GIGYF2: variants seen among roughly 807,000 people sequenced by gnomAD.
The protein encoded by GIGYF2 is GRB10-interacting GYF protein 2.
In GIGYF2, 25 loss-of-function variants were observed where a neutral mutation model predicts 208.1. That is an observed-to-expected ratio of 0.12 (90% CI 0.09 to 0.17). The LOEUF (loss-of-function observed/expected upper bound fraction) is 0.17, where lower values mean the gene tolerates loss of function less well. Among genes scored for constraint, GIGYF2 ranks in the 10% least tolerant of loss-of-function variants. The pLI is 1.00. For synonymous variants in GIGYF2, 534 were observed against 543.8 expected, an observed-to-expected ratio of 0.98 and a Z score of 0.25; for missense variants, 1,302 against 1,579.4, an observed-to-expected ratio of 0.82 and a Z score of 2.98.
intron 3 of GIGYF2, among the ~76,000 whole-genome samples, chr2:232,745,385 G>C (rs1698113463): frequency 6.6e-6 from 1 of 152,118 alleles, no homozygotes; most frequent in Non-Finnish European, 1.5e-5. Flanking sequence ...AAAAGAAGCT[G>C]TTGAAGACTG....
chr2:232,752,433 T>A (rs1393051484), intron 5 of GIGYF2, among the ~76,000 whole-genome samples: 3 of 152,218 alleles, frequency 2.0e-5, no homozygotes, highest in Non-Finnish European at 2.9e-5. Flanking sequence ...TCTCCCTCCA[T>A]GTATCTGTGT....
intron 25 of GIGYF2, 94 bp downstream of exon 25, chr2:232,844,668 A>T: frequency 1.2e-6 from 1 of 830,478 alleles, no homozygotes; most frequent in Non-Finnish European, 2.0e-6. Flanking sequence ...AAAGGTAGTT[A>T]TTGAGTTTTT....
At position 232,832,911 on chromosome 2, in the gene GIGYF2, G is replaced by C. The variant is rs1291635678; in HGVS notation, c.2584G>C (p.Glu862Gln). ...AGAAGAAGAAGCCCAGCGTCGATTA[G>C]AGGAGAACCGGCTGCGGATGGAAGA... is the stretch of plus-strand genomic sequence containing the variant. ...REEEEAQRRL[E>Q]ENRLRMEEEA... The change falls in exon 22 of 29, where the codon GAG (glutamate) becomes CAG (glutamine). Residue 862 changes from glutamate to glutamine, a missense_variant. By Grantham distance (29) the Glu-to-Gln change is conservative (BLOSUM62 2). This residue lies in a region of GIGYF2 where 701 missense variants were observed against 793.0 expected (regional missense o/e 0.88). Transcript: ENST00000373563. 6.4e-7 allele frequency: 1 copy of C among 1,564,778 alleles called. No individual in the cohort carries two copies. The highest frequency in any genetic ancestry group is 1.7e-4 in the Middle Eastern group (1 of 5,988).
chr2:232,846,431 CTCCCA>C (rs148490311), intron 26 of GIGYF2, among the ~76,000 whole-genome samples: 1,991 of 152,320 alleles, frequency 0.013, 33 homozygotes, highest in African/African-American at 0.045. Flanking sequence ...ACAGAACTGT[CTCCCA>C]TCCCTGAATA....
chr2:232,789,961 G>A (rs1448188976), intron 9 of GIGYF2, among the ~76,000 whole-genome samples: 1 of 152,080 alleles, frequency 6.6e-6, no homozygotes, highest in Non-Finnish European at 1.5e-5. Context: ...TAAGAGATGA[G>A]AAAGAAGGGA....
intron 14 of GIGYF2, among the ~76,000 whole-genome samples, chr2:232,800,819 G>T (rs1411748762): frequency 6.6e-6 from 1 of 152,152 alleles, no homozygotes; most frequent in Non-Finnish European, 1.5e-5. Context: ...GGGAGGCTGA[G>T]ACCAGAGGAC....
Position 232,844,364 on chromosome 2 carries a change from A to G in GIGYF2, c.3100-5A>G. ...GATAATCATTTTTCTCTTTTTCTTTAACAGCATTCCAACCTGCACACCAGC... is the reference window on the plus strand; with the variant it reads ...GATAATCATTTTTCTCTTTTTCTTTGACAGCATTCCAACCTGCACACCAGC... On this transcript the variant is annotated splice_polypyrimidine_tract_variant and splice_region_variant and intron_variant, in intron 24 of 28. Transcript: ENST00000373563. 6.2e-7 allele frequency: 1 copy of G among 1,613,152 alleles called. No individual in the cohort carries two copies. Among genetic ancestry groups the G allele is most frequent in the Non-Finnish European group, 8.5e-7 (1 of 1,179,248 alleles).
At chr2:232,770,122 T>A (rs1699172097) in intron 8 of GIGYF2, among the ~76,000 whole-genome samples, 1 of 152,208 alleles carries the variant, frequency 6.6e-6, no homozygotes, top group Non-Finnish European at 1.5e-5. Flanking sequence ...TGTAGAAGTT[T>A]GTGATTTGCA....
chr2:232,797,144 A>G (rs1399681150), intron 14 of GIGYF2, among the ~76,000 whole-genome samples: 1 of 151,760 alleles, frequency 6.6e-6, no homozygotes, highest in African/African-American at 2.4e-5. Flanking sequence ...CAGATAAAAT[A>G]TAGTACTGTA....
At chr2:232,707,971 A>AT (rs947638203) in intron 2 of GIGYF2, among the ~76,000 whole-genome samples, 2 of 150,570 alleles carry the variant, frequency 1.3e-5, no homozygotes, top group South Asian at 2.1e-4. Context: ...TAAAAAAAAT[A>AT]TTTTTTTTGA....
intron 23 of GIGYF2, among the ~76,000 whole-genome samples, chr2:232,840,531 CAT>C (rs1701784078): frequency 1.3e-5 from 1 of 76,650 alleles, no homozygotes; most frequent in Non-Finnish European, 3.6e-5. Flanking sequence ...GGTGCTCATT[CAT>C]TCATTCATTC....
chr2:232,854,365 C>G (rs1195327177), intron 28 of GIGYF2, among the ~76,000 whole-genome samples: 1 of 152,106 alleles, frequency 6.6e-6, no homozygotes, highest in Non-Finnish European at 1.5e-5. Context: ...TGGTGGCACC[C>G]GCTTATAGTC....
intron 2 of GIGYF2, among the ~76,000 whole-genome samples, chr2:232,711,869 G>GTT (rs1011109806): frequency 7.0e-6 from 1 of 143,140 alleles, no homozygotes. Flanking sequence ...TCACCAGGTA[G>GTT]TTTTTTTTTT....
intron 2 of GIGYF2, among the ~76,000 whole-genome samples, chr2:232,726,571 T>C (rs1452885562): frequency 6.6e-6 from 1 of 152,110 alleles, no homozygotes; most frequent in Non-Finnish European, 1.5e-5. Flanking sequence ...AGACCCTGTC[T>C]CAAAAATATA....
intron 8 of GIGYF2, chr2:232,768,574 A>G: frequency 6.2e-7 from 1 of 1,614,200 alleles, no homozygotes; most frequent in Non-Finnish European, 8.5e-7. Context: ...AAGAATGGAC[A>G]TTCGTCAGAA....
chr2:232,813,089 C>T (rs1041752525), intron 18 of GIGYF2, among the ~76,000 whole-genome samples: 1 of 151,556 alleles, frequency 6.6e-6, no homozygotes, highest in Non-Finnish European at 1.5e-5. Flanking sequence ...AATTGAGCAC[C>T]TTTTCTCATT....
At chr2:232,735,862 T>C in intron 3 of GIGYF2, 1 of 984,790 alleles carries the variant, frequency 1.0e-6, no homozygotes, top group Non-Finnish European at 1.2e-6. Flanking sequence ...TTCCCCAAAG[T>C]TGGTGATTGA....
intron 8 of GIGYF2, among the ~76,000 whole-genome samples, chr2:232,783,534 C>G (rs966180055): frequency 8.5e-5 from 13 of 152,098 alleles, no homozygotes; most frequent in African/African-American, 2.9e-4. Flanking sequence ...AATACTAGTT[C>G]CAAACCATTC....
intron 17 of GIGYF2, among the ~76,000 whole-genome samples, chr2:232,812,090 A>G (rs528558949): frequency 2.1e-4 from 32 of 152,308 alleles, no homozygotes; most frequent in African/African-American, 7.0e-4. Flanking sequence ...GTTTTTTAAG[A>G]TACGGATATA....
Sources: allele counts gnomAD v4.1 joint callset (sites outside exome capture counted in the v4.1 genomes callset), GRCh38; gene constraint gnomAD v4.1.1; regional missense constraint gnomAD v4.1.1; transcripts MANE v1.5; gene names NCBI Gene and HGNC (gene_info 2026-07-23, HGNC 2026-07-21).